PLEKHA5: variants seen among roughly 807,000 people sequenced by gnomAD.
The protein encoded by PLEKHA5 is pleckstrin homology domain containing A5, also known as pleckstrin homology domain-containing family A member 5.
A neutral mutation model predicts 181.9 loss-of-function variants in PLEKHA5; 55 were observed. That is an observed-to-expected ratio of 0.30 (90% CI 0.24 to 0.38). PLEKHA5 has a LOEUF of 0.38. Among genes scored for constraint, PLEKHA5 ranks in the 10% least tolerant of loss-of-function variants. PLEKHA5 has a pLI of 1.00. For missense variants in PLEKHA5, 1,432 were observed against 1,549.5 expected (o/e 0.92, Z 1.27); for synonymous variants, 535 against 529.4 (o/e 1.01, Z -0.15).
chr12:19,204,944 T>C (rs1030651334), intron 3 of PLEKHA5, among the ~76,000 whole-genome samples: 8 of 152,140 alleles, frequency 5.3e-5, no homozygotes, highest in Non-Finnish European at 1.2e-4. Flanking sequence ...CATTTACATT[T>C]TGGGATCACA....
At chr12:19,307,685 GAGA>G (rs1236368816) in intron 15 of PLEKHA5, 4 of 343,878 alleles carry the variant, frequency 1.2e-5, no homozygotes, top group Admixed American at 3.5e-5. Flanking sequence ...GCCCAAGACA[GAGA>G]AGATCTCATT....
intron 3 of PLEKHA5, among the ~76,000 whole-genome samples, chr12:19,135,993 C>T (rs1591769143): frequency 6.6e-6 from 1 of 151,484 alleles, no homozygotes; most frequent in East Asian, 1.9e-4. Flanking sequence ...GATCCTCCCA[C>T]CTCAGCCTTA....
rs573033855 is a variant in PLEKHA5 at position 19,168,934 on chromosome 12, TTC to T, written c.227+36486_227+36487del. 1.2e-3 allele frequency among the ~76,000 whole-genome samples: 178 copies of T among 152,324 alleles called. 1 individual carries two copies. Among genetic ancestry groups the T allele is most frequent in the Admixed American group, 0.01 (159 of 15,302 alleles). Reference sequence around the variant, plus strand: ...TTCTAGCCATATAACCTCTTTGAGTTTCTGTCTCTTTTTCTGTAAAGTGAGCT... The same window carrying T: ...TTCTAGCCATATAACCTCTTTGAGTTTGTCTCTTTTTCTGTAAAGTGAGCT... On this transcript the variant is annotated intron_variant, in intron 3 of 31. Transcript: ENST00000429027.
intron 10 of PLEKHA5, among the ~76,000 whole-genome samples, chr12:19,271,826 A>G (rs1813160448): frequency 6.6e-6 from 1 of 152,148 alleles, no homozygotes; most frequent in Admixed American, 6.5e-5. Flanking sequence ...CTCAGACAAG[A>G]TTTATTAATA....
chr12:19,353,309 A>G (rs530962379), intron 25 of PLEKHA5, among the ~76,000 whole-genome samples: 12 of 151,938 alleles, frequency 7.9e-5, no homozygotes, highest in African/African-American at 2.9e-4. Flanking sequence ...ACCTGACACC[A>G]TGCCTGGCTA....
intron 25 of PLEKHA5, 132 bp downstream of exon 25, chr12:19,348,651 C>T (rs2094447297): frequency 1.8e-6 from 1 of 542,298 alleles, no homozygotes; most frequent in Non-Finnish European, 3.0e-6. Context: ...CCTTTGGACT[C>T]TGATGAGTTT....
chr12:19,233,310 G>A (rs1046877332), intron 3 of PLEKHA5, among the ~76,000 whole-genome samples: 3 of 151,916 alleles, frequency 2.0e-5, no homozygotes, highest in African/African-American at 2.4e-5. Context: ...TGCTTTTCTC[G>A]TACTAGTATT....
intron 3 of PLEKHA5, among the ~76,000 whole-genome samples, chr12:19,143,545 A>C (rs1006240796): frequency 1.3e-5 from 2 of 152,166 alleles, no homozygotes; most frequent in Middle Eastern, 3.2e-3. Context: ...ATTGTGTACA[A>C]TTATATGCAT....
intron 3 of PLEKHA5, chr12:19,205,439 A>G (rs995259707): frequency 6.4e-6 from 6 of 932,250 alleles, no homozygotes; most frequent in Non-Finnish European, 7.7e-6. Context: ...GCAAAAGGCT[A>G]TTTGGTGAGT....
intron 20 of PLEKHA5, among the ~76,000 whole-genome samples, chr12:19,324,504 A>T (rs889202282): frequency 6.6e-6 from 1 of 152,226 alleles, no homozygotes; most frequent in Non-Finnish European, 1.5e-5. Context: ...AATAAATAAT[A>T]TACCTAAAAC....
chr12:19,345,823 C>A lies in PLEKHA5; in HGVS notation c.2663-19C>A, dbSNP rs748374396. On this transcript the variant is annotated intron_variant, in intron 22 of 31. Transcript: ENST00000429027. The stretch of plus-strand genomic sequence containing the variant: ...TAGAAAGATATGTTTAATATAGTTA[C>A]GTTTTCTAATATTCCCAGGTATGAT... 8.1e-7 allele frequency: 1 copy of A among 1,230,502 alleles called. No homozygotes were observed. Among genetic ancestry groups the A allele is most frequent in the Non-Finnish European group, 1.2e-6 (1 of 851,396 alleles). 76.2% of individuals were successfully genotyped at this position (1,230,502 alleles called of 1,614,324 possible).
At chr12:19,360,592 T>A (rs924557389) in intron 28 of PLEKHA5, among the ~76,000 whole-genome samples, 1 of 148,718 alleles carries the variant, frequency 6.7e-6, no homozygotes, top group African/African-American at 2.5e-5. Context: ...GAGGACAGAG[T>A]GAGATTCCGT....
chr12:19,228,384 A>ATCCT (rs2152352073), intron 3 of PLEKHA5, among the ~76,000 whole-genome samples: 1 of 152,274 alleles, frequency 6.6e-6, no homozygotes, highest in South Asian at 2.1e-4. Context: ...TACTCTCCAG[A>ATCCT]TCCTACCTAT....
intron 3 of PLEKHA5, among the ~76,000 whole-genome samples, chr12:19,190,905 C>G (rs2151951896): frequency 1.3e-5 from 2 of 152,224 alleles, no homozygotes; most frequent in African/African-American, 4.8e-5. Flanking sequence ...TGAAGCCTAG[C>G]TATTTAAAGG....
chr12:19,183,636 CA>C (rs1214469167), intron 3 of PLEKHA5, among the ~76,000 whole-genome samples: 1 of 152,140 alleles, frequency 6.6e-6, no homozygotes, highest in Non-Finnish European at 1.5e-5. Flanking sequence ...TGCTCTGCCC[CA>C]AAAGGCCATC....
intron 3 of PLEKHA5, among the ~76,000 whole-genome samples, chr12:19,194,991 G>C (rs2052289256): frequency 6.6e-6 from 1 of 152,100 alleles, no homozygotes; most frequent in African/African-American, 2.4e-5. Flanking sequence ...ACCGTCTATT[G>C]GGCATTTATA....
chr12:19,163,669 C>CCTATCTATCTATCTATCTAT (rs71440393), intron 3 of PLEKHA5, among the ~76,000 whole-genome samples: 9 of 150,640 alleles, frequency 6.0e-5, no homozygotes, highest in African/African-American at 2.2e-4. Flanking sequence ...GTGTGGTCTT[C>CCTATCTATCTATCTATCTAT]CTATCTATCT....
At chr12:19,350,779 A>G (rs2094554327) in intron 25 of PLEKHA5, among the ~76,000 whole-genome samples, 1 of 152,150 alleles carries the variant, frequency 6.6e-6, no homozygotes, top group Non-Finnish European at 1.5e-5. Context: ...ACACAAAAGC[A>G]AACAAACAAG....
intron 3 of PLEKHA5, among the ~76,000 whole-genome samples, chr12:19,167,701 G>A (rs1350401665): frequency 1.3e-5 from 2 of 151,900 alleles, no homozygotes; most frequent in African/African-American, 2.4e-5. Flanking sequence ...TTGTACTTAT[G>A]GAGTCTTCAT....
Sources: allele counts gnomAD v4.1 joint callset (sites outside exome capture counted in the v4.1 genomes callset), GRCh38; gene constraint gnomAD v4.1.1; transcripts MANE v1.5; gene names NCBI Gene and HGNC (gene_info 2026-07-23, HGNC 2026-07-21).